PJA2: variants seen among roughly 807,000 people sequenced by gnomAD.
The protein encoded by PJA2 is E3 ubiquitin-protein ligase Praja-2.
PJA2 carries 25 observed loss-of-function variants against 69.3 expected under a neutral mutation model. The ratio of observed to expected loss-of-function variants is 0.36; its 90% CI spans 0.26 to 0.50. The LOEUF is 0.50. PJA2 is among the 20% of genes least tolerant of loss of function. The probability of loss-of-function intolerance (pLI) is 0.96; values close to 1 mark genes in which losing one functional copy is unlikely to be tolerated. For missense variants in PJA2, 809 were observed against 830.2 expected, an observed-to-expected ratio of 0.97 and a Z score of 0.31; for synonymous variants, 308 against 277.8, an observed-to-expected ratio of 1.11 and a Z score of -1.08.
At chr5:109,403,160 A>T (rs1308462650) in intron 1 of PJA2, among the ~76,000 whole-genome samples, 1 of 152,136 alleles carries the variant, frequency 6.6e-6, no homozygotes, top group Non-Finnish European at 1.5e-5. Context: ...AACAAGAATG[A>T]AAGGAAAGAC....
At chr5:109,409,681 AC>A (rs1363581088) in intron 1 of PJA2, among the ~76,000 whole-genome samples, 160 bp downstream of exon 1, 1 of 151,800 alleles carries the variant, frequency 6.6e-6, no homozygotes, top group Non-Finnish European at 1.5e-5. Flanking sequence ...CATCAACCCC[AC>A]CCACCATGGC....
chr5:109,387,202 C>T (rs1250237767), intron 1 of PJA2, among the ~76,000 whole-genome samples: 1 of 152,024 alleles, frequency 6.6e-6, no homozygotes, highest in Non-Finnish European at 1.5e-5. Context: ...CTTTCTTATT[C>T]TGTGATTATT....
At chr5:109,377,600 T>G (rs1026248009) in intron 4 of PJA2, among the ~76,000 whole-genome samples, 1 of 152,198 alleles carries the variant, frequency 6.6e-6, no homozygotes, top group African/African-American at 2.4e-5. Context: ...GCTCTACCAT[T>G]AAGTTGCTCT....
At position 109,368,735 on chromosome 5, in the gene PJA2, C is replaced by T. The variant is rs1428335961; in HGVS notation, c.1295G>A (p.Ser432Asn). The change falls in exon 5 of 10, where the codon AGT becomes AAT. Residue 432 changes from serine (S) to asparagine (N), a missense_variant. Physicochemically the swap from Ser to Asn is conservative, Grantham distance 46. Transcript: ENST00000361189. ...YDKDEDSSEC[S>N]DGEWSASLPH... The stretch of plus-strand genomic sequence containing the variant: ...CAAAGAAGCAGACCATTCCCCATCA[C>T]TGCATTCAGAACTGCAAATCAGAAG... 1.9e-6 allele frequency: 3 copies of T among 1,612,720 alleles called. No homozygotes were observed. Among genetic ancestry groups the T allele is most frequent in the Non-Finnish European group, 2.5e-6 (3 of 1,179,586 alleles).
In PJA2 at chr5:109,334,872, A is replaced by G. The variant is rs1262537702; in HGVS notation, c.*2359T>C. 6.5e-6 allele frequency: 1 copy of G among 152,674 alleles called. No individual in the cohort carries two copies. The highest frequency in any genetic ancestry group is 2.4e-5 in the African/African-American group (1 of 41,464). 9.5% of individuals were successfully genotyped at this position (152,674 alleles called of 1,614,324 possible). A position where few individuals can be genotyped will look rare whatever the true frequency, so the allele number is the denominator to read the frequency against. On this transcript the variant is annotated 3_prime_UTR_variant, in exon 10 of 10. Transcript: ENST00000361189. ...ATTCGTATGTATCTAACAAATACAT[A>G]AATCCAGATCACAAATAATCTTAAG... is the stretch of plus-strand genomic sequence containing the variant.
At position 109,380,529 on chromosome 5, in the gene PJA2, C is replaced by T. The variant is rs934825502; in HGVS notation, c.232+974G>A. Among the ~76,000 whole-genome samples the T allele has an allele frequency of 5.3e-5, 8 of 152,166 alleles. No individual in the cohort carries two copies. The South Asian group carries it at 1.0e-3, about 20-fold the overall frequency. On this transcript the variant is annotated intron_variant, in intron 3 of 9. Coordinates refer to ENST00000361189, the MANE Select transcript of PJA2 (RefSeq NM_014819.5). ...TAAAATTAAAAGAAGAAAAGTTGGC[C>T]GGGCACAATGGCCCATGTCTGTAAT...
At chr5:109,372,923 A>AAAAAAAAAAAAAAAAAAAAG (rs1272538036) in intron 4 of PJA2, among the ~76,000 whole-genome samples, 4 of 136,876 alleles carry the variant, frequency 2.9e-5, no homozygotes, top group Non-Finnish European at 3.1e-5. Flanking sequence ...AAAAAAAAAA[A>AAAAAAAAAAAAAAAAAAAAG]AAAGAAAGAA....
intron 7 of PJA2, among the ~76,000 whole-genome samples, chr5:109,348,885 C>G (rs246099): frequency 0.47 from 70,804 of 152,036 alleles, 20,280 homozygotes; most frequent in Middle Eastern, 0.64. Flanking sequence ...TTTTATGTAT[C>G]TGCTTATTTA....
chr5:109,362,153 T>G (rs900119834), intron 6 of PJA2, among the ~76,000 whole-genome samples: 1 of 151,978 alleles, frequency 6.6e-6, no homozygotes, highest in Non-Finnish European at 1.5e-5. Context: ...CCAGAAAAAG[T>G]AAAAAAAGGG....
At chr5:109,376,834 T>A (rs922729337) in intron 4 of PJA2, among the ~76,000 whole-genome samples, 7 of 152,082 alleles carry the variant, frequency 4.6e-5, no homozygotes, top group African/African-American at 1.7e-4. Flanking sequence ...AACCCCAACA[T>A]GGTCCAGGCC....
At chr5:109,378,110 G>A in intron 4 of PJA2, 94 bp downstream of exon 4, 1 of 865,648 alleles carries the variant, frequency 1.2e-6, no homozygotes, top group Non-Finnish European at 1.8e-6. Context: ...CTAATTCCCT[G>A]ATCATATCAA....
chr5:109,391,709 T>TG (rs1290022410), intron 1 of PJA2, among the ~76,000 whole-genome samples: 2 of 151,744 alleles, frequency 1.3e-5, no homozygotes, highest in African/African-American at 4.8e-5. Context: ...TGATTATATA[T>TG]GAAAAAAAAG....
intron 1 of PJA2, among the ~76,000 whole-genome samples, chr5:109,391,224 T>C (rs1337392757): frequency 5.3e-5 from 8 of 152,170 alleles, no homozygotes; most frequent in Non-Finnish European, 8.8e-5. Flanking sequence ...TATCTTCATA[T>C]AGCTCACCCT....
intron 7 of PJA2, 51 bp from the exon 8 acceptor site, chr5:109,344,870 C>A (rs1762147963): frequency 8.2e-7 from 1 of 1,216,724 alleles, no homozygotes; most frequent in South Asian, 1.4e-5. Flanking sequence ...AAAACAGTAA[C>A]AGAAAACTAT....
Position 109,409,965 on chromosome 5 carries a change from C to CGGCGGT in PJA2, c.-212_-211insACCGCC. 1 of 216,428 alleles carries CGGCGGT rather than the reference C, an allele frequency of 4.6e-6. No individual in the cohort carries two copies. Among genetic ancestry groups the CGGCGGT allele is most frequent in the Non-Finnish European group, 9.1e-6 (1 of 110,044 alleles). 13.4% of individuals were successfully genotyped at this position (216,428 alleles called of 1,614,324 possible). A position where few individuals can be genotyped will look rare whatever the true frequency, so the allele number is the denominator to read the frequency against. On this transcript the variant is annotated 5_prime_UTR_variant, in exon 1 of 10. Coordinates refer to ENST00000361189, the MANE Select transcript of PJA2 (RefSeq NM_014819.5). The stretch of plus-strand genomic sequence containing the variant: ...AAGCGGCTGGCGGCTGTGGCGGCGG[C>CGGCGGT]GGCGGCGGTGGCGGCGGCGGAAGCA...
At chr5:109,353,999 A>C (rs1372941725) in intron 7 of PJA2, among the ~76,000 whole-genome samples, 2 of 144,020 alleles carry the variant, frequency 1.4e-5, no homozygotes, top group Admixed American at 1.4e-4. Context: ...AGATATCTAG[A>C]GATATCTATA....
intron 1 of PJA2, among the ~76,000 whole-genome samples, chr5:109,387,002 A>T (rs548129041): frequency 3.3e-5 from 5 of 152,302 alleles, no homozygotes; most frequent in Admixed American, 2.6e-4. Flanking sequence ...CACGTCTCAA[A>T]TACATCTTTT....
At chr5:109,339,353 G>A (rs762281515) in intron 9 of PJA2, among the ~76,000 whole-genome samples, 9 of 152,192 alleles carry the variant, frequency 5.9e-5, no homozygotes, top group Admixed American at 6.5e-5. Context: ...ATGTTATCCA[G>A]GTGATGGGAT....
intron 2 of PJA2, among the ~76,000 whole-genome samples, chr5:109,382,671 A>T (rs985757227): frequency 1.3e-5 from 2 of 152,114 alleles, no homozygotes; most frequent in African/African-American, 4.8e-5. Flanking sequence ...AACATGGCGA[A>T]ACCCCGTCTC....
Sources: allele counts gnomAD v4.1 joint callset (sites outside exome capture counted in the v4.1 genomes callset), GRCh38; gene constraint gnomAD v4.1.1; transcripts MANE v1.5; gene names NCBI Gene and HGNC (gene_info 2026-07-23, HGNC 2026-07-21).